MINPP1: variants seen among roughly 807,000 people sequenced by gnomAD.
The protein encoded by MINPP1 is multiple inositol polyphosphate phosphatase 1.
MINPP1 carries 28 observed loss-of-function variants against 46.1 expected under a neutral mutation model. The ratio of observed to expected loss-of-function variants is 0.61; its 90% CI spans 0.45 to 0.83. The LOEUF (loss-of-function observed/expected upper bound fraction) is 0.83. Among genes scored for constraint, MINPP1 ranks in the 40% least tolerant of loss-of-function variants. The pLI is 0.00. For missense variants in MINPP1, 603 were observed against 610.0 expected (o/e 0.99, Z 0.12); for synonymous variants, 268 against 249.1 (o/e 1.08, Z -0.72).
chr10:87,534,343 G>T (rs1851703788), intron 4 of MINPP1, among the ~76,000 whole-genome samples: 1 of 152,080 alleles, frequency 6.6e-6, no homozygotes, highest in Non-Finnish European at 1.5e-5. Context: ...GATTACAGGG[G>T]TGAGCCACAG....
chr10:87,552,189 C>A lies in MINPP1; in HGVS notation c.1175C>A (p.Ala392Glu), dbSNP rs1172879263. The A allele has an allele frequency of 1.2e-6, 2 of 1,613,614 alleles. No homozygotes were observed. Among genetic ancestry groups the A allele is most frequent in the Non-Finnish European group, 1.7e-6 (2 of 1,179,814 alleles). ...TTCAAAGACAAGGAACCCCTAACAG[C>A]GTACAATTACAAAAAACAAATGCAT... ...GYFKDKEPLT[A>E]YNYKKQMHRK... Residue 392 changes from alanine to glutamate, a missense_variant, in exon 5 of 5, where the codon GCG becomes GAG. Physicochemically the swap from Ala to Glu is moderately radical, Grantham distance 107. Transcript: ENST00000371996.
intron 3 of MINPP1, among the ~76,000 whole-genome samples, chr10:87,514,906 G>C (rs890858860): frequency 6.6e-6 from 1 of 151,476 alleles, no homozygotes; most frequent in Non-Finnish European, 1.5e-5. Flanking sequence ...AGTAGAGATG[G>C]GGTTTCACCA....
At chr10:87,537,592 A>G (rs1851755865) in intron 4 of MINPP1, among the ~76,000 whole-genome samples, 1 of 148,318 alleles carries the variant, frequency 6.7e-6, no homozygotes, top group Admixed American at 6.8e-5. Context: ...GCTCTATAGG[A>G]ATATATTCTC....
At chr10:87,514,215 A>G (rs1425205596) in intron 3 of MINPP1, among the ~76,000 whole-genome samples, 1 of 152,132 alleles carries the variant, frequency 6.6e-6, no homozygotes, top group African/African-American at 2.4e-5. Context: ...TGTGTATATA[A>G]TCTTTTTTTC....
chr10:87,530,998 G>A (rs952116122), intron 4 of MINPP1, among the ~76,000 whole-genome samples: 1 of 152,208 alleles, frequency 6.6e-6, no homozygotes, highest in African/African-American at 2.4e-5. Flanking sequence ...GGGACCCTCC[G>A]AGCCAGGCGC....
intron 4 of MINPP1, among the ~76,000 whole-genome samples, chr10:87,533,935 G>C (rs928883797): frequency 9.3e-5 from 14 of 151,328 alleles, no homozygotes; most frequent in Admixed American, 4.6e-4. Flanking sequence ...AATTCTAGGT[G>C]TTTTTGCCAA....
intron 3 of MINPP1, among the ~76,000 whole-genome samples, chr10:87,514,848 T>C (rs1851390275): frequency 1.3e-5 from 2 of 152,022 alleles, no homozygotes; most frequent in African/African-American, 4.8e-5. Flanking sequence ...CTCCAGTAGC[T>C]GGGATTACAG....
intron 4 of MINPP1, among the ~76,000 whole-genome samples, chr10:87,536,594 A>T (rs553194903): frequency 1.4e-4 from 22 of 152,290 alleles, no homozygotes; most frequent in African/African-American, 5.1e-4. Context: ...TAACACTGAT[A>T]CACTTTCTGT....
At chr10:87,515,872 A>G (rs1311471018) in intron 3 of MINPP1, among the ~76,000 whole-genome samples, 3 of 128,156 alleles carry the variant, frequency 2.3e-5, no homozygotes, top group Non-Finnish European at 3.1e-5. Context: ...TCTGTCGCCC[A>G]GGCTGGAGTG....
At chr10:87,549,864 C>T (rs1851938230) in intron 4 of MINPP1, among the ~76,000 whole-genome samples, 1 of 152,124 alleles carries the variant, frequency 6.6e-6, no homozygotes, top group Admixed American at 6.6e-5. Flanking sequence ...AAATGTAAAC[C>T]AGTATATTTA....
chr10:87,543,474 G>C (rs369227851), intron 4 of MINPP1, among the ~76,000 whole-genome samples: 1 of 152,106 alleles, frequency 6.6e-6, no homozygotes, highest in East Asian at 1.9e-4. Flanking sequence ...GGGCAAGAAA[G>C]TGAGACCTCA....
chr10:87,539,318 A>G (rs775466801), intron 4 of MINPP1, among the ~76,000 whole-genome samples: 14 of 152,196 alleles, frequency 9.2e-5, no homozygotes, highest in Non-Finnish European at 1.9e-4. Context: ...GCAACATTCC[A>G]AGTTTAATGC....
intron 4 of MINPP1, among the ~76,000 whole-genome samples, chr10:87,534,383 T>A (rs974644383): frequency 7.2e-5 from 11 of 152,172 alleles, no homozygotes; most frequent in Non-Finnish European, 1.5e-5. Context: ...TAAATATTAA[T>A]AAGTAAAAGT....
At chr10:87,522,459 A>G (rs1019342892) in intron 4 of MINPP1, among the ~76,000 whole-genome samples, 1 of 152,062 alleles carries the variant, frequency 6.6e-6, no homozygotes. Flanking sequence ...TCAATTCCAG[A>G]CCACTGCAAA....
Position 87,511,989 on chromosome 10 carries a change from T to C in MINPP1, c.836-1135T>C, listed in dbSNP as rs537479811. ...CTCAGGAATTCTTTAAACTCAGAAC[T>C]AGTGCAAAATGCATGTAACGCCAGT... On this transcript the variant is annotated intron_variant, in intron 2 of 4. Transcript: ENST00000371996. Among the ~76,000 whole-genome samples the C allele has an allele frequency of 6.6e-4, 100 of 152,306 alleles. 2 individuals carry two copies. The South Asian group carries it at 0.021, about 31-fold the overall frequency.
intron 1 of MINPP1, among the ~76,000 whole-genome samples, chr10:87,506,470 A>G (rs1283238948): frequency 2.0e-5 from 3 of 152,296 alleles, no homozygotes; most frequent in South Asian, 4.2e-4. Context: ...TACAACCACA[A>G]TCTGGAGTTG....
chr10:87,504,930 C>T lies in MINPP1; in HGVS notation c.15C>T (p.Pro5=), dbSNP rs749302204. 5.6e-6 allele frequency: 9 copies of T among 1,610,818 alleles called. No individual in the cohort carries two copies. The highest frequency in any genetic ancestry group is 3.3e-5 in the Admixed American group (2 of 59,894). The change falls in exon 1 of 5, where the codon CCC becomes CCT. Residue 5 remains proline, a synonymous_variant. Coordinates refer to ENST00000371996, the MANE Select transcript of MINPP1 (RefSeq NM_004897.5). MLRA[P]GCLLRTSVAP... ...CCGTCCCGACGATGCTACGCGCGCC[C>T]GGCTGCCTCCTCCGGACCTCCGTAG...
At chr10:87,551,038 C>T (rs1307418538) in intron 4 of MINPP1, among the ~76,000 whole-genome samples, 1 of 152,076 alleles carries the variant, frequency 6.6e-6, no homozygotes, top group East Asian at 1.9e-4. Flanking sequence ...TCTGTGGCTT[C>T]TCTCTGCTTT....
At chr10:87,519,884 A>G (rs1294038384) in intron 3 of MINPP1, among the ~76,000 whole-genome samples, 1 of 152,214 alleles carries the variant, frequency 6.6e-6, no homozygotes, top group Non-Finnish European at 1.5e-5. Flanking sequence ...TGAGCAAATG[A>G]TCAAATGATA....
Sources: allele counts gnomAD v4.1 joint callset (sites outside exome capture counted in the v4.1 genomes callset), GRCh38; gene constraint gnomAD v4.1.1; transcripts MANE v1.5; gene names NCBI Gene and HGNC (gene_info 2026-07-23, HGNC 2026-07-21).